The following DCC variants were observed in gnomAD, a reference collection of about 807,000 sequenced individuals.
DCC encodes DCC netrin 1 receptor.
A neutral mutation model predicts 172.5 loss-of-function variants in DCC; 58 were observed. The ratio of observed to expected loss-of-function variants is 0.34; its 90% CI spans 0.27 to 0.42. The LOEUF (loss-of-function observed/expected upper bound fraction) is 0.42. Among genes scored for constraint, DCC ranks in the 10% least tolerant of loss-of-function variants. DCC has a pLI of 1.00. For synonymous variants in DCC, 709 were observed against 644.5 expected (o/e 1.10, Z -1.52); for missense variants, 1,740 against 1,791.0 (o/e 0.97, Z 0.51).
At chr18:52,614,254 T>C (rs892042406) in intron 1 of DCC, among the ~76,000 whole-genome samples, 1 of 152,208 alleles carries the variant, frequency 6.6e-6, no homozygotes, top group Non-Finnish European at 1.5e-5. Flanking sequence ...AAACTGTAAG[T>C]TACTGATATT....
intron 1 of DCC, among the ~76,000 whole-genome samples, chr18:52,700,924 T>C (rs1292594012): frequency 6.6e-6 from 1 of 152,238 alleles, no homozygotes; most frequent in Non-Finnish European, 1.5e-5. Flanking sequence ...CAAAATTTCC[T>C]ATTGCTCTCC....
At chr18:52,708,480 C>T (rs923048705) in intron 1 of DCC, among the ~76,000 whole-genome samples, 16 of 151,686 alleles carry the variant, frequency 1.1e-4, no homozygotes, top group African/African-American at 3.9e-4. Context: ...AATTGGAAAA[C>T]CCTAACCCAG....
At chr18:53,353,144 A>G (rs1207994051) in intron 15 of DCC, among the ~76,000 whole-genome samples, 2 of 152,000 alleles carry the variant, frequency 1.3e-5, no homozygotes, top group Non-Finnish European at 2.9e-5. Flanking sequence ...AGATGTGGTG[A>G]CACATGCCTG....
At position 53,450,570 on chromosome 18, in the gene DCC, G is replaced by A; in HGVS notation, c.3300G>A (p.Val1100=). Residue 1100 remains valine (V), a synonymous_variant, in exon 23 of 29, where the codon GTG becomes GTA. Transcript: ENST00000442544. The stretch of plus-strand genomic sequence containing the variant: ...CTCAGAAGAACAGCAACCTGCTTGT[G>A]ATCATTGTGGTCACCGTTGGTGTCA... The part of the protein sequence containing the change: ...VTPQKNSNLL[V]IIVVTVGVIT... 3 of 1,614,036 alleles carry A rather than the reference G, an allele frequency of 1.9e-6. No homozygotes were observed. Among genetic ancestry groups the A allele is most frequent in the South Asian group, 2.2e-5 (2 of 91,072 alleles).
intron 1 of DCC, among the ~76,000 whole-genome samples, chr18:52,510,359 A>G (rs1396519230): frequency 6.6e-6 from 1 of 152,200 alleles, no homozygotes; most frequent in East Asian, 1.9e-4. Context: ...CTTTATAGAC[A>G]TCAGTGCCTG....
intron 12 of DCC, among the ~76,000 whole-genome samples, chr18:53,260,017 C>T (rs116902888): frequency 0.023 from 3,431 of 152,254 alleles, 69 homozygotes; most frequent in Non-Finnish European, 0.037. Flanking sequence ...CTTTTGCATT[C>T]GTCATGTATT....
chr18:52,629,063 G>T (rs892354019), intron 1 of DCC, among the ~76,000 whole-genome samples: 8 of 152,168 alleles, frequency 5.3e-5, no homozygotes, highest in Non-Finnish European at 1.0e-4. Flanking sequence ...AGACAGAGGA[G>T]ATCTAGGGGA....
At chr18:52,972,731 C>A (rs1246633649) in intron 5 of DCC, among the ~76,000 whole-genome samples, 1 of 152,192 alleles carries the variant, frequency 6.6e-6, no homozygotes, top group Non-Finnish European at 1.5e-5. Flanking sequence ...TTTGAGGGAA[C>A]ATGGTAGAGG....
intron 1 of DCC, among the ~76,000 whole-genome samples, chr18:52,567,050 A>G (rs2144750962): frequency 6.6e-6 from 1 of 152,300 alleles, no homozygotes; most frequent in South Asian, 2.1e-4. Flanking sequence ...CTAGGACAGT[A>G]ATACTTAAGT....
At chr18:52,947,271 A>G (rs991908238) in intron 5 of DCC, among the ~76,000 whole-genome samples, 1 of 152,216 alleles carries the variant, frequency 6.6e-6, no homozygotes, top group Non-Finnish European at 1.5e-5. Context: ...TAAAAATAAC[A>G]TTCCACTAGA....
At chr18:53,419,136 A>G (rs1418033039) in intron 21 of DCC, among the ~76,000 whole-genome samples, 1 of 152,130 alleles carries the variant, frequency 6.6e-6, no homozygotes, top group African/African-American at 2.4e-5. Context: ...TAGAAAATCT[A>G]TGCTTTAAAA....
chr18:53,172,095 A>G (rs552781836), intron 8 of DCC, among the ~76,000 whole-genome samples: 1 of 152,316 alleles, frequency 6.6e-6, no homozygotes, highest in African/African-American at 2.4e-5. Context: ...TATATTCTGG[A>G]TAAAGAAAAT....
chr18:52,442,413 A>T lies in DCC; in HGVS notation c.91+101535A>T, dbSNP rs572359136. On this transcript the variant is annotated intron_variant, in intron 1 of 28. Transcript: ENST00000442544. ...TAATGTCCTTTGATCATGATTAAAA[A>T]TAATAATTATAACAATAAGATTTTG... Among the ~76,000 whole-genome samples, 23 of 152,348 alleles carry T rather than the reference A, an allele frequency of 1.5e-4. No homozygotes were observed. In the East Asian group the frequency reaches 4.4e-3, roughly 29 times the overall value.
At chr18:52,958,898 C>A (rs187242328) in intron 5 of DCC, among the ~76,000 whole-genome samples, 1 of 152,126 alleles carries the variant, frequency 6.6e-6, no homozygotes, top group Non-Finnish European at 1.5e-5. Flanking sequence ...CCACAGCCCG[C>A]GGGCCATATG....
At chr18:53,331,369 C>A in intron 14 of DCC, among the ~76,000 whole-genome samples, 1 of 152,116 alleles carries the variant, frequency 6.6e-6, no homozygotes, top group African/African-American at 2.4e-5. Context: ...ATAAGGTTTA[C>A]GGTTTGAATG....
At chr18:52,577,811 T>C (rs1455404157) in intron 1 of DCC, among the ~76,000 whole-genome samples, 2 of 152,194 alleles carry the variant, frequency 1.3e-5, no homozygotes, top group Non-Finnish European at 2.9e-5. Context: ...CCTCTTCTGA[T>C]GCCACCTAAT....
At chr18:52,941,198 CTT>C (rs1465973645) in intron 5 of DCC, 1 of 152,022 alleles carries the variant, frequency 6.6e-6, no homozygotes, top group Non-Finnish European at 1.5e-5. Flanking sequence ...AAGTTTAAGT[CTT>C]TTTAATATAG....
chr18:52,794,140 T>C (rs2145212131), intron 2 of DCC, among the ~76,000 whole-genome samples: 1 of 152,322 alleles, frequency 6.6e-6, no homozygotes, highest in African/African-American at 2.4e-5. Flanking sequence ...GAATCTTTTG[T>C]GTTTCCACAT....
intron 24 of DCC, among the ~76,000 whole-genome samples, chr18:53,466,616 C>G (rs1568150291): frequency 6.6e-6 from 1 of 152,150 alleles, no homozygotes; most frequent in Non-Finnish European, 1.5e-5. Context: ...ACCTCCGCCT[C>G]CTGGGTTCAA....
Sources: gnomAD v4.1 joint callset for allele counts (sites outside exome capture counted in the v4.1 genomes callset) on GRCh38, gnomAD v4.1.1 for gene constraint, MANE v1.5 for transcripts, NCBI Gene and HGNC (gene_info 2026-07-23, HGNC 2026-07-21) for gene names.